KCNK9: variants seen among roughly 807,000 people sequenced by gnomAD.
KCNK9 encodes the protein potassium channel subfamily K member 9.
KCNK9 carries 1 observed loss-of-function variant against 10.8 expected under a neutral mutation model. The observed-to-expected ratio is 0.09, with a 90% CI of 0.03 to 0.44. The LOEUF (loss-of-function observed/expected upper bound fraction) is 0.44, where lower values mean the gene tolerates loss of function less well. Ranked by LOEUF, KCNK9 falls within the 20% of genes least tolerant of loss-of-function variation. KCNK9 has a pLI of 0.97. For synonymous variants in KCNK9, 231 were observed against 222.7 expected (o/e 1.04, Z -0.33); for missense variants, 303 against 515.0 (o/e 0.59, Z 3.98).
intron 1 of KCNK9, among the ~76,000 whole-genome samples, chr8:139,698,195 T>C (rs775038411): frequency 1.3e-4 from 20 of 152,206 alleles, no homozygotes; most frequent in Admixed American, 1.1e-3. Context: ...TGTGTGGCCT[T>C]ATCTGCGTCA....
chr8:139,675,471 A>G (rs576588316), intron 1 of KCNK9, among the ~76,000 whole-genome samples: 1 of 152,268 alleles, frequency 6.6e-6, no homozygotes, highest in East Asian at 1.9e-4. Context: ...CCTTATAAGG[A>G]CAGACCCCAG....
chr8:139,630,142 T>A (rs1563724264), intron 1 of KCNK9, among the ~76,000 whole-genome samples: 1 of 152,156 alleles, frequency 6.6e-6, no homozygotes, highest in Non-Finnish European at 1.5e-5. Context: ...TCAGTCCCAG[T>A]GGTTGTACAA....
intron 1 of KCNK9, among the ~76,000 whole-genome samples, chr8:139,646,618 C>A (rs895948015): frequency 2.6e-5 from 4 of 152,202 alleles, no homozygotes; most frequent in Non-Finnish European, 5.9e-5. Context: ...AGGACTGTAC[C>A]ATGTTTTTAT....
intron 1 of KCNK9, among the ~76,000 whole-genome samples, chr8:139,694,156 G>A (rs375131526): frequency 1.3e-5 from 2 of 152,068 alleles, no homozygotes; most frequent in African/African-American, 2.4e-5. Context: ...GGGGTTCGGC[G>A]GCAGCAGAAA....
At chr8:139,669,807 C>G (rs749876290) in intron 1 of KCNK9, among the ~76,000 whole-genome samples, 3 of 152,094 alleles carry the variant, frequency 2.0e-5, no homozygotes, top group Non-Finnish European at 2.9e-5. Context: ...CGAGATCCAT[C>G]ACAGAAATCT....
intron 1 of KCNK9, among the ~76,000 whole-genome samples, chr8:139,683,470 G>C (rs1816731862): frequency 6.6e-6 from 1 of 152,226 alleles, no homozygotes; most frequent in Admixed American, 6.5e-5. Flanking sequence ...TGAAGCAGCT[G>C]GTGGCCTCTG....
intron 1 of KCNK9, among the ~76,000 whole-genome samples, chr8:139,676,617 T>C (rs1816555114): frequency 6.6e-6 from 1 of 152,154 alleles, no homozygotes; most frequent in South Asian, 2.1e-4. Flanking sequence ...TCTTCTCAAA[T>C]ATTTGCTCAC....
intron 1 of KCNK9, among the ~76,000 whole-genome samples, chr8:139,656,331 C>A (rs991268446): frequency 6.6e-6 from 1 of 152,198 alleles, no homozygotes. Context: ...ACTCTTTGGC[C>A]CCTCCAGCCC....
intron 1 of KCNK9, among the ~76,000 whole-genome samples, chr8:139,677,102 C>T (rs1816566728): frequency 1.3e-5 from 2 of 152,170 alleles, no homozygotes; most frequent in South Asian, 4.1e-4. Context: ...CCCCCAAAGG[C>T]AGCCCCACAT....
chr8:139,682,022 A>G (rs536570055), intron 1 of KCNK9, among the ~76,000 whole-genome samples: 2 of 152,248 alleles, frequency 1.3e-5, no homozygotes, highest in South Asian at 4.2e-4. Context: ...GATTTGGAGG[A>G]AGAACGGCAA....
chr8:139,611,283 C>G (rs1814414992), downstream of KCNK9: 1 of 152,272 alleles, frequency 6.6e-6, no homozygotes, highest in African/African-American at 2.4e-5. Flanking sequence ...TATGTATAAT[C>G]TCCAATTTAA....
At chr8:139,677,320 C>T (rs1261997624) in intron 1 of KCNK9, among the ~76,000 whole-genome samples, 1 of 152,106 alleles carries the variant, frequency 6.6e-6, no homozygotes, top group Non-Finnish European at 1.5e-5. Context: ...TGAGTCACGC[C>T]AGGAGAACTG....
At chr8:139,682,362 G>A (rs1816708248) in intron 1 of KCNK9, among the ~76,000 whole-genome samples, 1 of 152,206 alleles carries the variant, frequency 6.6e-6, no homozygotes, top group African/African-American at 2.4e-5. Context: ...GCTGAGAGGT[G>A]CTGGGGGCAA....
intron 1 of KCNK9, among the ~76,000 whole-genome samples, chr8:139,663,612 T>C (rs1436446793): frequency 6.6e-6 from 1 of 150,444 alleles, no homozygotes; most frequent in Non-Finnish European, 1.5e-5. Context: ...ACCCAGGCAT[T>C]CACGTTTTCC....
chr8:139,606,755 C>T (rs1423134802), intron 2 of KCNK9, among the ~76,000 whole-genome samples: 4 of 152,132 alleles, frequency 2.6e-5, no homozygotes, highest in African/African-American at 4.8e-5. Flanking sequence ...ATCTCTGTCC[C>T]GTGTCTCTGT....
rs1199529075 is a variant in KCNK9 at position 139,687,370 on chromosome 8, G to T, written c.283+15340C>A. ...TATATATATGTATACATATATATGTGTATACATATATATGAATATATATGT... is the reference window on the plus strand; with the variant it reads ...TATATATATGTATACATATATATGTTTATACATATATATGAATATATATGT... On this transcript the variant is annotated intron_variant, in intron 1 of 1. Transcript: ENST00000520439. 4.3e-5 allele frequency among the ~76,000 whole-genome samples: 6 copies of T among 138,138 alleles called. 2 individuals are homozygous for T. The highest frequency in any genetic ancestry group is 6.2e-5 in the Non-Finnish European group (4 of 64,638). 90.6% of individuals were successfully genotyped at this position (138,138 alleles called of 152,430 possible).
downstream of KCNK9, chr8:139,611,271 G>A (rs1408378381): frequency 1.3e-5 from 2 of 152,260 alleles, no homozygotes; most frequent in Non-Finnish European, 2.9e-5. Context: ...TGCAGTAGGT[G>A]TTATGTATAA....
chr8:139,644,369 G>T (rs1342607865), intron 1 of KCNK9, among the ~76,000 whole-genome samples: 5 of 152,156 alleles, frequency 3.3e-5, no homozygotes, highest in African/African-American at 4.8e-5. Flanking sequence ...ATTCCATTCT[G>T]TTCTGTTTCA....
rs1324077019 is a variant in KCNK9, at chr8:139,618,930, G to A, written c.453C>T (p.Asn151=). Reference sequence around the variant, plus strand: ...CCATGTTCTCCATAGACACGTCAGTGTTGCGCATGCCACAGCACTTCTTAA... The same window carrying A: ...CCATGTTCTCCATAGACACGTCAGTATTGCGCATGCCACAGCACTTCTTAA... The part of the protein sequence containing the change: ...KRIKKCCGMR[N]TDVSMENMVT... Residue 151 remains asparagine (N), a synonymous_variant, in exon 2 of 2, where the codon AAC becomes AAT. Transcript: ENST00000520439. This position sits in a 1 kb window ranked among gnomAD's most constrained non-coding sequence, Gnocchi z 7.9. 18 of 1,614,234 alleles carry A rather than the reference G, an allele frequency of 1.1e-5. No homozygotes were observed. Among genetic ancestry groups the A allele is most frequent in the Non-Finnish European group, 1.2e-5 (14 of 1,180,038 alleles).
Sources: allele counts gnomAD v4.1 joint callset (sites outside exome capture counted in the v4.1 genomes callset), GRCh38; gene constraint gnomAD v4.1.1; non-coding constraint Gnocchi (gnomAD v3.1); transcripts MANE v1.5; gene names NCBI Gene and HGNC (gene_info 2026-07-23, HGNC 2026-07-21).